Variants in B3GALNT2 observed in about 807,000 individuals in gnomAD.
B3GALNT2 encodes UDP-GalNAc:beta-1,3-N-acetylgalactosaminyltransferase 2.
In B3GALNT2, 53 loss-of-function variants were observed where a neutral mutation model predicts 61.1. That is an observed-to-expected ratio of 0.87 (90% CI 0.70 to 1.09). The LOEUF (loss-of-function observed/expected upper bound fraction) is 1.09. Ranked by LOEUF, B3GALNT2 falls within the 50% of genes least tolerant of loss-of-function variation. B3GALNT2 has a pLI of 0.00. For synonymous variants in B3GALNT2, 223 were observed against 237.4 expected (o/e 0.94, Z 0.56); for missense variants, 544 against 623.0 (o/e 0.87, Z 1.35).
At chr1:235,471,132 G>A (rs957478569) in intron 5 of B3GALNT2, among the ~76,000 whole-genome samples, 172 bp from the exon 6 acceptor site, 3 of 152,014 alleles carry the variant, frequency 2.0e-5, no homozygotes, top group Non-Finnish European at 4.4e-5. Context: ...ATCCTTGACC[G>A]TTTTTTCCAT....
At position 235,494,722 on chromosome 1, in the gene B3GALNT2, G is replaced by A. The variant is rs759413287; in HGVS notation, c.219C>T (p.Thr73=). Residue 73 remains threonine (T), a synonymous_variant, in exon 2 of 12, where the codon ACC becomes ACT. Transcript: ENST00000366600. ...GATGCTGTAGCAAATGTCTCATCCA[G>A]GTGCTTCTTATCACGTTTCGAAGTT... ...NHELRNVIRS[T]WMRHLLQHPT... 19 of 1,613,176 alleles carry A rather than the reference G, an allele frequency of 1.2e-5. No homozygotes were observed. The highest frequency in any genetic ancestry group is 1.4e-5 in the Non-Finnish European group (16 of 1,179,300).
chr1:235,496,564 T>G (rs1011182891), intron 1 of B3GALNT2, among the ~76,000 whole-genome samples: 2 of 150,284 alleles, frequency 1.3e-5, no homozygotes, highest in Middle Eastern at 3.2e-3. Flanking sequence ...TTTTTTTTTT[T>G]GACGGAGTCC....
Position 235,465,654 on chromosome 1 carries a change from A to G in B3GALNT2, c.823T>C (p.Phe275Leu). Residue 275 changes from phenylalanine (F) to leucine (L), a missense_variant, in exon 7 of 12, where the codon TTT becomes CTT. By Grantham distance (22) the Phe-to-Leu change is conservative (BLOSUM62 0). Coordinates refer to ENST00000366600, the MANE Select transcript of B3GALNT2 (RefSeq NM_152490.5). ...LEGVEGVAGG[F>L]IYTIQEGDAL... ...AACTTACCCTGAATAGTATATATAA[A>G]ACCACCTGCAACTCCCTCCACACCT... is the stretch of plus-strand genomic sequence containing the variant. The G allele has an allele frequency of 6.2e-7, 1 of 1,614,080 alleles. No individual in the cohort carries two copies. The highest frequency in any genetic ancestry group is 8.5e-7 in the Non-Finnish European group (1 of 1,180,002).
rs11436508 is a variant in B3GALNT2 at position 235,488,692 on chromosome 1, C to CAA, written c.361+474_361+475dup. The stretch of plus-strand genomic sequence containing the variant: ...GGACAACAGAGCAAGACTCCATCTC[C>CAA]AAAAAAAAAAAAAAAAAAAAAAAAA... On this transcript the variant is annotated intron_variant, in intron 3 of 11. Transcript: ENST00000366600. Among the ~76,000 whole-genome samples, 143 of 38,020 alleles carry CAA rather than the reference C, an allele frequency of 3.8e-3. 4 individuals carry two copies. The highest frequency in any genetic ancestry group is 6.6e-3 in the African/African-American group (62 of 9,440). 24.9% of individuals were successfully genotyped at this position (38,020 alleles called of 152,430 possible).
downstream of B3GALNT2, among the ~76,000 whole-genome samples, chr1:235,446,319 G>C (rs572376023): frequency 9.3e-4 from 141 of 152,198 alleles, no homozygotes; most frequent in Admixed American, 2.4e-3. Context: ...TGGGATAACA[G>C]GTGCCCGCCA....
At chr1:235,466,175 T>C (rs1157881154) in intron 6 of B3GALNT2, among the ~76,000 whole-genome samples, 2 of 151,906 alleles carry the variant, frequency 1.3e-5, no homozygotes, top group East Asian at 1.9e-4. Context: ...AATATTCAAA[T>C]TGAACTCTAC....
rs541697587 is a variant in B3GALNT2 at position 235,450,264 on chromosome 1, G to A, written c.1445C>T (p.Thr482Met). Residue 482 changes from threonine to methionine, a missense_variant, in exon 12 of 12, where the codon ACG becomes ATG. Thr to Met is a moderately conservative substitution (Grantham distance 81). Coordinates refer to ENST00000366600, the MANE Select transcript of B3GALNT2 (RefSeq NM_152490.5). ...SSPQYSPWELTELWKLKERCG... is the reference protein window; with the variant it reads ...SSPQYSPWELMELWKLKERCG... ...CCGTTCCTTCAGTTTCCACAGTTCC[G>A]TCAGTTCCCACGGAGAATACTGAGG... 26 of 1,613,984 alleles carry A rather than the reference G, an allele frequency of 1.6e-5. No individual in the cohort carries two copies. Among genetic ancestry groups the A allele is most frequent in the South Asian group, 6.6e-5 (6 of 91,072 alleles).
intron 3 of B3GALNT2, among the ~76,000 whole-genome samples, chr1:235,487,522 C>G (rs150616252): frequency 3.0e-4 from 46 of 152,284 alleles, no homozygotes; most frequent in African/African-American, 7.7e-4. Flanking sequence ...GGAGGTCACA[C>G]AGCTAGAAAA....
At chr1:235,481,137 C>T (rs1684547991) in intron 4 of B3GALNT2, among the ~76,000 whole-genome samples, 1 of 151,996 alleles carries the variant, frequency 6.6e-6, no homozygotes, top group East Asian at 1.9e-4. Context: ...CTTTCATGAA[C>T]ACCAGTTCTT....
intron 8 of B3GALNT2, among the ~76,000 whole-genome samples, chr1:235,457,988 C>A (rs1321848170): frequency 1.3e-5 from 2 of 151,278 alleles, no homozygotes; most frequent in Non-Finnish European, 2.9e-5. Context: ...CTCACTGCAA[C>A]CTCCGCCTTC....
chr1:235,461,511 T>TG (rs1159539489), intron 7 of B3GALNT2, among the ~76,000 whole-genome samples: 4 of 126,858 alleles, frequency 3.2e-5, no homozygotes, highest in African/African-American at 9.1e-5. Flanking sequence ...CCTCCTGTTT[T>TG]TTTTTTTTTT....
At chr1:235,476,099 T>C (rs1030072114) in intron 5 of B3GALNT2, among the ~76,000 whole-genome samples, 1 of 152,196 alleles carries the variant, frequency 6.6e-6, no homozygotes, top group African/African-American at 2.4e-5. Flanking sequence ...GCTATAGTCA[T>C]TAAAACTCTT....
chr1:235,471,041 T>C, intron 5 of B3GALNT2, 81 bp from the exon 6 acceptor site: 1 of 1,555,416 alleles, frequency 6.4e-7, no homozygotes. Flanking sequence ...GCAAGATTTT[T>C]AGAGAAAATT....
In B3GALNT2 at chr1:235,480,905, C is replaced by CAAAAAAAAAAAAA. The variant is rs55666590; in HGVS notation, c.556-769_556-757dup. Among the ~76,000 whole-genome samples, 9 of 31,172 alleles carry CAAAAAAAAAAAAA rather than the reference C, an allele frequency of 2.9e-4. 1 individual carries two copies. Among genetic ancestry groups the CAAAAAAAAAAAAA allele is most frequent in the African/African-American group, 4.1e-4 (3 of 7,292 alleles). 20.5% of individuals were successfully genotyped at this position (31,172 alleles called of 152,430 possible). On this transcript the variant is annotated intron_variant, in intron 4 of 11. Coordinates refer to ENST00000366600, the MANE Select transcript of B3GALNT2 (RefSeq NM_152490.5). ...TGGACCGCAGAGCCAGACTCTGTCT[C>CAAAAAAAAAAAAA]AAAAAAAAAAAAAAAAAAAAAAAAA...
In B3GALNT2 at chr1:235,504,365, C is replaced by T. The variant is rs1398408670; in HGVS notation, c.-113G>A. Reference sequence around the variant, plus strand: ...GACGAGCGACCACTCCGAGCACGCCCGCCCTCGCGCTCGGCGACGTCTGGG... The same window carrying T: ...GACGAGCGACCACTCCGAGCACGCCTGCCCTCGCGCTCGGCGACGTCTGGG... On this transcript the variant is annotated 5_prime_UTR_variant, in exon 1 of 12. Coordinates refer to ENST00000366600, the MANE Select transcript of B3GALNT2 (RefSeq NM_152490.5). 3 of 1,230,032 alleles carry T rather than the reference C, an allele frequency of 2.4e-6. No homozygotes were observed. Among genetic ancestry groups the T allele is most frequent in the Non-Finnish European group, 3.2e-6 (3 of 933,030 alleles). The allele number at this position is 1,230,032 out of a possible 1,614,324, so 76.2% of individuals were successfully genotyped here. A position where few individuals can be genotyped will look rare whatever the true frequency, so the allele number is the denominator to read the frequency against.
chr1:235,503,910 G>A (rs1054602979), intron 1 of B3GALNT2, among the ~76,000 whole-genome samples: 2 of 152,332 alleles, frequency 1.3e-5, no homozygotes, highest in Admixed American at 6.5e-5. Flanking sequence ...CTCTGCGGGC[G>A]TTAAGGGAAA....
intron 6 of B3GALNT2, among the ~76,000 whole-genome samples, chr1:235,466,601 C>A (rs968469160): frequency 1.9e-4 from 29 of 151,826 alleles, no homozygotes; most frequent in Non-Finnish European, 2.9e-5. Flanking sequence ...GTGATCCTCC[C>A]GCCTCGGTCT....
At chr1:235,469,125 C>T (rs553126072) in intron 6 of B3GALNT2, among the ~76,000 whole-genome samples, 2 of 152,292 alleles carry the variant, frequency 1.3e-5, no homozygotes, top group East Asian at 1.9e-4. Context: ...GTAAGTTCCA[C>T]GGTGGGCCAC....
At chr1:235,444,555 C>T (rs919803597), downstream of B3GALNT2, among the ~76,000 whole-genome samples, 1 of 152,142 alleles carries the variant, frequency 6.6e-6, no homozygotes, top group Non-Finnish European at 1.5e-5. Flanking sequence ...AGGCACGAAC[C>T]ACCACACCCC....
Sources: allele counts gnomAD v4.1 joint callset (sites outside exome capture counted in the v4.1 genomes callset), GRCh38; gene constraint gnomAD v4.1.1; transcripts MANE v1.5; gene names NCBI Gene and HGNC (gene_info 2026-07-23, HGNC 2026-07-21).